TEX101: variants seen among roughly 807,000 people sequenced by gnomAD.
The protein encoded by TEX101 is testis expressed 101.
Under a neutral mutation model 18.1 loss-of-function variants are expected in TEX101, and 10 were observed. The observed-to-expected ratio is 0.55, with a 90% CI of 0.34 to 0.94. The LOEUF (loss-of-function observed/expected upper bound fraction) is 0.94, where lower values mean the gene tolerates loss of function less well. Among genes scored for constraint, TEX101 ranks in the 40% least tolerant of loss-of-function variants. TEX101 has a pLI of 0.02. For synonymous variants in TEX101, 94 were observed against 114.8 expected (o/e 0.82, Z 1.16); for missense variants, 259 against 298.9 (o/e 0.87, Z 0.98).
intron 1 of TEX101, among the ~76,000 whole-genome samples, chr19:43,402,546 CTG>C (rs1187317008): frequency 1.3e-5 from 2 of 151,438 alleles, no homozygotes; most frequent in African/African-American, 4.9e-5. Context: ...GGTTTAATGA[CTG>C]GAGATAGAAC....
intron 2 of TEX101, among the ~76,000 whole-genome samples, chr19:43,405,286 T>C (rs951340506): frequency 1.3e-5 from 2 of 152,136 alleles, no homozygotes; most frequent in African/African-American, 2.4e-5. Flanking sequence ...AGGCAAGATC[T>C]GGCCTGGTGT....
upstream of TEX101, among the ~76,000 whole-genome samples, chr19:43,397,860 AAT>A (rs1298032958): frequency 9.9e-6 from 1 of 101,336 alleles, no homozygotes; most frequent in Non-Finnish European, 1.9e-5. Flanking sequence ...AATATATATA[AAT>A]ATATAATATA....
chr19:43,413,628 T>C (rs146067362), upstream of TEX101, among the ~76,000 whole-genome samples: 809 of 152,180 alleles, frequency 5.3e-3, 7 homozygotes, highest in African/African-American at 0.018. Context: ...TGTCTGCAGC[T>C]CATCCTGCTA....
chr19:43,394,917 A>G, the TEX101 span, among the ~76,000 whole-genome samples: 1 of 152,208 alleles, frequency 6.6e-6, no homozygotes, highest in Non-Finnish European at 1.5e-5. Context: ...CTACCCACTT[A>G]GGTTCAGTAT....
intron 1 of TEX101, 34 bp from the exon 2 acceptor site, chr19:43,415,847 A>C: frequency 6.3e-7 from 1 of 1,596,462 alleles, no homozygotes; most frequent in Non-Finnish European, 8.6e-7. Context: ...CTCTGGCTGA[A>C]AAGTTAATTG....
At chr19:43,405,712 G>T (rs1481231360) in intron 2 of TEX101, among the ~76,000 whole-genome samples, 1 of 151,864 alleles carries the variant, frequency 6.6e-6, no homozygotes, top group South Asian at 2.1e-4. Context: ...ATCACTGGAA[G>T]TCAGGAGTTT....
chr19:43,393,086 A>AGGAAGGAAGGAG, the TEX101 span, among the ~76,000 whole-genome samples: 8 of 150,414 alleles, frequency 5.3e-5, no homozygotes, highest in African/African-American at 1.7e-4. Context: ...GAAGGAAGGA[A>AGGAAGGAAGGAG]GGAAGGAAGG....
chr19:43,407,539 G>A (rs1212665056), intron 3 of TEX101, among the ~76,000 whole-genome samples: 4 of 152,140 alleles, frequency 2.6e-5, no homozygotes, highest in Non-Finnish European at 5.9e-5. Flanking sequence ...CCGGAGCTGG[G>A]ATTAGACCAT....
chr19:43,392,981 C>A, the TEX101 span, among the ~76,000 whole-genome samples: 1 of 151,842 alleles, frequency 6.6e-6, no homozygotes, highest in African/African-American at 2.4e-5. Flanking sequence ...TCACTTGAAC[C>A]CAGGAGGCAG....
upstream of TEX101, among the ~76,000 whole-genome samples, chr19:43,409,990 T>C (rs956178069): frequency 6.6e-6 from 1 of 152,100 alleles, no homozygotes; most frequent in Non-Finnish European, 1.5e-5. Flanking sequence ...TGAGCTGTGA[T>C]TGCACCACTG....
chr19:43,414,610 G>A (rs1347271717), upstream of TEX101, among the ~76,000 whole-genome samples: 1 of 152,168 alleles, frequency 6.6e-6, no homozygotes, highest in African/African-American at 2.4e-5. Context: ...ACAACAGAGT[G>A]CAAAAAGAGA....
At chr19:43,406,624 G>A in intron 3 of TEX101, 2 of 592,920 alleles carry the variant, frequency 3.4e-6, no homozygotes, top group Admixed American at 3.2e-5. Context: ...TCTGGCTTCT[G>A]GCGCCAAGCC....
chr19:43,394,058 C>G, the TEX101 span, among the ~76,000 whole-genome samples: 6 of 151,192 alleles, frequency 4.0e-5, no homozygotes, highest in Non-Finnish European at 7.4e-5. Context: ...GAGATGGGGA[C>G]GTGGTTCTCA....
chr19:43,408,161 G>A (rs1230600655), intron 3 of TEX101, among the ~76,000 whole-genome samples: 1 of 152,216 alleles, frequency 6.6e-6, no homozygotes, highest in Non-Finnish European at 1.5e-5. Context: ...AATGCCCTCA[G>A]GAGGCGCCCG....
the TEX101 span, among the ~76,000 whole-genome samples, chr19:43,393,847 A>G: frequency 4.6e-5 from 7 of 151,642 alleles, no homozygotes; most frequent in Middle Eastern, 3.4e-3. Flanking sequence ...AGGTGTGCCC[A>G]GGAGCAGGGC....
intron 2 of TEX101, among the ~76,000 whole-genome samples, chr19:43,403,711 A>G (rs1438544909): frequency 2.0e-5 from 3 of 152,084 alleles, no homozygotes; most frequent in African/African-American, 2.4e-5. Flanking sequence ...TATCAAGTCA[A>G]TGTCAGTATT....
chr19:43,391,386 A>G, the TEX101 span, among the ~76,000 whole-genome samples: 2 of 141,834 alleles, frequency 1.4e-5, no homozygotes, highest in African/African-American at 5.3e-5. Flanking sequence ...CCTTGCCAAC[A>G]CTTGTTCTTT....
chr19:43,391,209 G>C, the TEX101 span, among the ~76,000 whole-genome samples: 1 of 152,130 alleles, frequency 6.6e-6, no homozygotes, highest in South Asian at 2.1e-4. Flanking sequence ...TATGAACAAA[G>C]ACATGCAAAT....
the TEX101 span, among the ~76,000 whole-genome samples, chr19:43,389,000 C>T: frequency 1.3e-5 from 2 of 152,114 alleles, no homozygotes; most frequent in African/African-American, 2.4e-5. Context: ...TCTGATCTCC[C>T]ACCCTCGAGG....
Sources: gnomAD v4.1 joint callset for allele counts (sites outside exome capture counted in the v4.1 genomes callset) on GRCh38, gnomAD v4.1.1 for gene constraint, MANE v1.5 for transcripts, NCBI Gene and HGNC (gene_info 2026-07-23, HGNC 2026-07-21) for gene names.